Variants in NFATC3 observed in about 807,000 individuals in gnomAD.
The protein encoded by NFATC3 is nuclear factor of activated T cells 3, also known as nuclear factor of activated T-cells, cytoplasmic 3.
Under a neutral mutation model 98.6 loss-of-function variants are expected in NFATC3, and 46 were observed. The observed-to-expected ratio is 0.47, with a 90% CI of 0.37 to 0.60. The LOEUF (loss-of-function observed/expected upper bound fraction) is 0.60, where lower values mean the gene tolerates loss of function less well. Among genes scored for constraint, NFATC3 ranks in the 20% least tolerant of loss-of-function variants. The probability of loss-of-function intolerance (pLI) is 0.00; values close to 1 mark genes in which losing one functional copy is unlikely to be tolerated. For synonymous variants in NFATC3, 512 were observed against 472.2 expected, an observed-to-expected ratio of 1.08 and a Z score of -1.09; for missense variants, 1,256 against 1,295.5, an observed-to-expected ratio of 0.97 and a Z score of 0.47.
At chr16:68,085,821 C>T in intron 1 of NFATC3, 37 bp downstream of exon 1, 1 of 1,366,964 alleles carries the variant, frequency 7.3e-7, no homozygotes, top group Non-Finnish European at 9.5e-7. Context: ...GGAGCGACCC[C>T]GCTTCTCGCT....
chr16:68,088,231 A>G (rs2034493994), intron 1 of NFATC3, among the ~76,000 whole-genome samples: 1 of 151,222 alleles, frequency 6.6e-6, no homozygotes, highest in Admixed American at 6.6e-5. Context: ...CCTCACTGGA[A>G]TGGAAGTTCC....
At chr16:68,100,640 G>A (rs1445302441) in intron 1 of NFATC3, among the ~76,000 whole-genome samples, 1 of 151,408 alleles carries the variant, frequency 6.6e-6, no homozygotes, top group Admixed American at 6.6e-5. Flanking sequence ...CCACCAGCAG[G>A]TGTATGAGTT....
chr16:68,163,581 C>T (rs1314514542), intron 4 of NFATC3, among the ~76,000 whole-genome samples: 3 of 151,748 alleles, frequency 2.0e-5, no homozygotes, highest in South Asian at 2.1e-4. Flanking sequence ...GGCTGCCGGG[C>T]GGAGACGCTC....
At position 68,181,516 on chromosome 16, in the gene NFATC3, GA is replaced by G; in HGVS notation, c.1962del (p.Lys654AsnfsTer48). On this transcript the variant is annotated frameshift_variant, in exon 7 of 10. Transcript: ENST00000346183. LOFTEE classifies it high-confidence loss of function. ...GGAGGTAGAAGGGAAGATAATCAGG[GA>G]AAAATGTCAAGGGGTAAGAAATTTA... The part of the protein sequence containing the change: ...QWEVEGKIIR[E>X]KCQGAHIVLE... 3.1e-6 allele frequency: 5 copies of G among 1,610,164 alleles called. No individual in the cohort carries two copies. Among genetic ancestry groups the G allele is most frequent in the African/African-American group, 1.3e-5 (1 of 74,862 alleles).
At chr16:68,210,610 C>G (rs374280980) in intron 9 of NFATC3, among the ~76,000 whole-genome samples, 12 of 151,514 alleles carry the variant, frequency 7.9e-5, no homozygotes, top group African/African-American at 2.2e-4. Flanking sequence ...TTCTTTTGTT[C>G]AACTAATTTG....
intron 5 of NFATC3, among the ~76,000 whole-genome samples, chr16:68,172,757 G>A (rs118030546): frequency 0.018 from 2,792 of 152,280 alleles, 37 homozygotes; most frequent in Non-Finnish European, 0.029. Flanking sequence ...TTCATCCTTG[G>A]TGACAGTGCA....
chr16:68,119,116 C>T (rs1598395677), intron 1 of NFATC3, among the ~76,000 whole-genome samples: 2 of 152,194 alleles, frequency 1.3e-5, no homozygotes, highest in Non-Finnish European at 2.9e-5. Flanking sequence ...ATCCACCCGC[C>T]TCGGCCTCTC....
chr16:68,149,493 A>G (rs1044284569), intron 3 of NFATC3, among the ~76,000 whole-genome samples: 1 of 152,266 alleles, frequency 6.6e-6, no homozygotes, highest in Non-Finnish European at 1.5e-5. Flanking sequence ...GAAAAAGGAA[A>G]TATAATTAAA....
At chr16:68,211,004 G>A (rs2041364101) in intron 9 of NFATC3, among the ~76,000 whole-genome samples, 1 of 150,504 alleles carries the variant, frequency 6.6e-6, no homozygotes, top group South Asian at 2.1e-4. Flanking sequence ...GGCTGGTCTC[G>A]AACTCCTGAC....
At chr16:68,133,467 C>T (rs2037222647) in intron 3 of NFATC3, among the ~76,000 whole-genome samples, 1 of 152,078 alleles carries the variant, frequency 6.6e-6, no homozygotes, top group Admixed American at 6.5e-5. Context: ...ATAAAGTATA[C>T]AAACCTTAAG....
At chr16:68,161,607 T>C (rs968861763) in intron 4 of NFATC3, among the ~76,000 whole-genome samples, 4 of 152,342 alleles carry the variant, frequency 2.6e-5, no homozygotes, top group African/African-American at 9.6e-5. Context: ...ACACGTGGCC[T>C]ATAACAACTT....
chr16:68,184,871 A>G (rs1015521634), intron 8 of NFATC3, among the ~76,000 whole-genome samples: 2 of 152,152 alleles, frequency 1.3e-5, no homozygotes, highest in African/African-American at 4.8e-5. Context: ...AGAGAGAGAA[A>G]GTTCTCTACA....
At chr16:68,215,097 T>G (rs1023767669) in intron 9 of NFATC3, among the ~76,000 whole-genome samples, 2 of 152,224 alleles carry the variant, frequency 1.3e-5, no homozygotes, top group Non-Finnish European at 2.9e-5. Flanking sequence ...TATACCTTCC[T>G]AAATGCCATT....
chr16:68,113,540 A>G (rs574698258), intron 1 of NFATC3, among the ~76,000 whole-genome samples: 6 of 152,358 alleles, frequency 3.9e-5, no homozygotes, highest in South Asian at 4.1e-4. Context: ...TGGTGACCCC[A>G]GTTGGGAGGT....
At chr16:68,170,211 T>C (rs943608258) in intron 5 of NFATC3, among the ~76,000 whole-genome samples, 2 of 151,736 alleles carry the variant, frequency 1.3e-5, no homozygotes, top group Non-Finnish European at 2.9e-5. Flanking sequence ...GCCAACACGA[T>C]GAAACCCCAT....
rs140389066 is a variant in NFATC3 at position 68,129,745 on chromosome 16, A to G, written c.1401+3135A>G. Among the ~76,000 whole-genome samples the G allele has an allele frequency of 2.9e-4, 43 of 146,578 alleles. No homozygotes were observed. The East Asian group carries it at 8.0e-3, about 27-fold the overall frequency. On this transcript the variant is annotated intron_variant, in intron 3 of 9. Transcript: ENST00000346183. ...TAGGCTGGAATTCAGTGGCATGATCATACCTAACTGCAGTCTCAAACTCCT... is the reference window on the plus strand; with the variant it reads ...TAGGCTGGAATTCAGTGGCATGATCGTACCTAACTGCAGTCTCAAACTCCT...
chr16:68,215,104 C>T (rs1233405440), intron 9 of NFATC3, among the ~76,000 whole-genome samples: 1 of 152,118 alleles, frequency 6.6e-6, no homozygotes, highest in African/African-American at 2.4e-5. Context: ...TCCTAAATGC[C>T]ATTTGAATTT....
intron 9 of NFATC3, among the ~76,000 whole-genome samples, chr16:68,211,017 C>A (rs1228086800): frequency 6.6e-6 from 1 of 151,730 alleles, no homozygotes; most frequent in African/African-American, 2.4e-5. Context: ...CTCCTGACCT[C>A]GTGATCCACC....
intron 9 of NFATC3, among the ~76,000 whole-genome samples, chr16:68,212,975 A>AT (rs1321140536): frequency 1.3e-5 from 1 of 79,238 alleles, no homozygotes; most frequent in Admixed American, 1.3e-4. Flanking sequence ...TTTTTTTTGT[A>AT]TTTTTAGTAG....
Sources: allele counts gnomAD v4.1 joint callset (sites outside exome capture counted in the v4.1 genomes callset), GRCh38; gene constraint gnomAD v4.1.1; transcripts MANE v1.5; gene names NCBI Gene and HGNC (gene_info 2026-07-23, HGNC 2026-07-21).